The following PTPRN2 variants were observed in gnomAD, a reference collection of about 807,000 sequenced individuals.
PTPRN2 encodes receptor-type tyrosine-protein phosphatase N2.
PTPRN2 carries 74 observed loss-of-function variants against 118.8 expected under a neutral mutation model. That is an observed-to-expected ratio of 0.62 (90% CI 0.52 to 0.76). PTPRN2 has a LOEUF of 0.76. Among genes scored for constraint, PTPRN2 ranks in the 30% least tolerant of loss-of-function variants. PTPRN2 has a pLI of 0.00. For synonymous variants in PTPRN2, 641 were observed against 608.0 expected, an observed-to-expected ratio of 1.05 and a Z score of -0.80; for missense variants, 1,481 against 1,394.4, an observed-to-expected ratio of 1.06 and a Z score of -0.99.
chr7:158,501,918 C>T (rs1187626895), intron 1 of PTPRN2, among the ~76,000 whole-genome samples: 3 of 152,192 alleles, frequency 2.0e-5, no homozygotes, highest in African/African-American at 7.2e-5. Flanking sequence ...CTAACCGCGT[C>T]ACCATCCTCC....
At chr7:158,502,561 C>T (rs1822444099) in intron 1 of PTPRN2, among the ~76,000 whole-genome samples, 1 of 152,212 alleles carries the variant, frequency 6.6e-6, no homozygotes, top group Non-Finnish European at 1.5e-5. Context: ...CTCCCGGCTG[C>T]ACTTGCCGAG....
Position 158,544,446 on chromosome 7 carries a change from G to A in PTPRN2, c.112+43112C>T, listed in dbSNP as rs1826165646. ...AGGTCAGGAGTTTGAGACCAGCCTG[G>A]CCAACATAGTGAAACCCTGTCTCTA... is the stretch of plus-strand genomic sequence containing the variant. On this transcript the variant is annotated intron_variant, in intron 1 of 22. Transcript: ENST00000389418. This position sits in a 1 kb window ranked among gnomAD's most constrained non-coding sequence, Gnocchi z 4.2. Among the ~76,000 whole-genome samples the A allele has an allele frequency of 6.6e-6, 1 of 152,058 alleles. No homozygotes were observed. The highest frequency in any genetic ancestry group is 1.5e-5 in the Non-Finnish European group (1 of 68,012).
chr7:158,225,129 T>A (rs929170688), intron 3 of PTPRN2, among the ~76,000 whole-genome samples: 16 of 152,154 alleles, frequency 1.1e-4, no homozygotes, highest in African/African-American at 3.9e-4. Context: ...TTTTCTTTTT[T>A]ACTGTGAATG....
At chr7:158,150,630 C>A (rs966022843) in intron 6 of PTPRN2, among the ~76,000 whole-genome samples, 3 of 152,072 alleles carry the variant, frequency 2.0e-5, no homozygotes, top group Non-Finnish European at 4.4e-5. Flanking sequence ...GTGTCATCTC[C>A]TGCCCCTCTA....
rs763261513 is a variant in PTPRN2, at chr7:157,568,908, C to T, written c.2896G>A (p.Ala966Thr). ...GGCAGTGTCTGTGTCTCACCTTTGG[C>T]CATCTTGTTGAGAACCATGTCGATC... ...VLIDMVLNKMAKGAKEIDIAA... is the reference protein window; with the variant it reads ...VLIDMVLNKMTKGAKEIDIAA... The change falls in exon 21 of 23, where the codon GCC becomes ACC. Residue 966 changes from alanine to threonine, a missense_variant. Transcript: ENST00000389418. 1.9e-6 allele frequency: 3 copies of T among 1,563,504 alleles called. No individual in the cohort carries two copies. Among genetic ancestry groups the T allele is most frequent in the Non-Finnish European group, 8.8e-7 (1 of 1,134,066 alleles).
At chr7:158,149,329 TA>T (rs1820658150) in intron 6 of PTPRN2, among the ~76,000 whole-genome samples, 2 of 152,180 alleles carry the variant, frequency 1.3e-5, no homozygotes, top group Admixed American at 1.3e-4. Flanking sequence ...TGCCTATATT[TA>T]ACCCCTGGAA....
chr7:158,418,681 C>T (rs950542250), intron 2 of PTPRN2, among the ~76,000 whole-genome samples: 31 of 137,400 alleles, frequency 2.3e-4, no homozygotes, highest in Middle Eastern at 4.5e-3. Context: ...TGTTAAGTCA[C>T]GGTGTACTAC....
At chr7:157,747,473 TCCGCGTGATTC>T (rs1801050630) in intron 12 of PTPRN2, among the ~76,000 whole-genome samples, 2 of 104,074 alleles carry the variant, frequency 1.9e-5, no homozygotes, top group Admixed American at 1.1e-4. Flanking sequence ...CTGTGGGGTG[TCCGCGTGATTC>T]TGAGGCCTGC....
chr7:157,583,848 C>T lies in PTPRN2; in HGVS notation c.2497-5708G>A, dbSNP rs1049873530. Reference sequence around the variant, plus strand: ...AGTGAGCTGAGATCATGCCACTGCACGCCAGCCTGGGTGACAGAGCGAGAC... The same window carrying T: ...AGTGAGCTGAGATCATGCCACTGCATGCCAGCCTGGGTGACAGAGCGAGAC... On this transcript the variant is annotated intron_variant, in intron 17 of 22. Coordinates refer to ENST00000389418, the MANE Select transcript of PTPRN2 (RefSeq NM_002847.5). The surrounding 1 kb of genome is among the most constrained non-coding windows in gnomAD (Gnocchi z 5.5). 2.1e-4 allele frequency among the ~76,000 whole-genome samples: 32 copies of T among 151,732 alleles called. No individual in the cohort carries two copies. In the East Asian group the frequency reaches 2.1e-3, roughly 10 times the overall value.
chr7:158,103,139 A>G (rs757888754), intron 10 of PTPRN2, among the ~76,000 whole-genome samples: 18 of 152,194 alleles, frequency 1.2e-4, no homozygotes, highest in Admixed American at 3.9e-4. Flanking sequence ...GGCTGCAGTC[A>G]GTGTGAGGCT....
intron 5 of PTPRN2, among the ~76,000 whole-genome samples, chr7:158,171,348 T>TATATATATATATATATAC (rs1554571717): frequency 3.3e-5 from 3 of 90,004 alleles, no homozygotes; most frequent in African/African-American, 5.1e-5. Flanking sequence ...TATATATATA[T>TATATATATATATATATAC]ACACACACAC....
At chr7:157,954,735 G>A (rs868556568) in intron 11 of PTPRN2, among the ~76,000 whole-genome samples, 28 of 152,264 alleles carry the variant, frequency 1.8e-4, no homozygotes, top group Middle Eastern at 3.4e-3. Context: ...CCTTTTCAGG[G>A]GTGGAAGTGG....
chr7:158,377,757 T>C (rs1000609948), intron 2 of PTPRN2, among the ~76,000 whole-genome samples: 18 of 152,196 alleles, frequency 1.2e-4, no homozygotes, highest in African/African-American at 4.1e-4. Flanking sequence ...CTGACTTTCT[T>C]ACACCCATTC....
chr7:158,333,751 A>G (rs1189384809), intron 2 of PTPRN2, among the ~76,000 whole-genome samples: 7 of 148,306 alleles, frequency 4.7e-5, no homozygotes, highest in East Asian at 2.0e-4. Context: ...CTCTCACCAT[A>G]AGAGCTGACA....
At chr7:158,121,589 G>A (rs1378627790) in intron 9 of PTPRN2, among the ~76,000 whole-genome samples, 3 of 152,196 alleles carry the variant, frequency 2.0e-5, no homozygotes, top group African/African-American at 7.2e-5. Context: ...GATGGTATGA[G>A]GACATGGGAG....
chr7:157,730,178 C>T (rs1410434770), intron 12 of PTPRN2, among the ~76,000 whole-genome samples: 1 of 131,726 alleles, frequency 7.6e-6, no homozygotes, highest in African/African-American at 2.7e-5. Context: ...CCACTCAGGC[C>T]ACCACCCCTG....
intron 2 of PTPRN2, among the ~76,000 whole-genome samples, chr7:158,323,036 C>G (rs1266767563): frequency 6.6e-6 from 1 of 152,228 alleles, no homozygotes; most frequent in Non-Finnish European, 1.5e-5. Context: ...TTTCCACATG[C>G]TACCCAGCCC....
At chr7:158,139,495 G>C (rs933999108) in intron 6 of PTPRN2, among the ~76,000 whole-genome samples, 3 of 147,772 alleles carry the variant, frequency 2.0e-5, no homozygotes, top group Non-Finnish European at 2.9e-5. Flanking sequence ...GAGGGCACGG[G>C]GGGGTGGGAA....
chr7:158,179,241 T>C (rs1002268998), intron 5 of PTPRN2, among the ~76,000 whole-genome samples: 1 of 152,214 alleles, frequency 6.6e-6, no homozygotes, highest in African/African-American at 2.4e-5. Flanking sequence ...TTAATTTGCA[T>C]TTCCTTGATG....
Sources: allele counts gnomAD v4.1 joint callset (sites outside exome capture counted in the v4.1 genomes callset), GRCh38; gene constraint gnomAD v4.1.1; non-coding constraint Gnocchi (gnomAD v3.1); transcripts MANE v1.5; gene names NCBI Gene and HGNC (gene_info 2026-07-23, HGNC 2026-07-21).